ADCY9: variants seen among roughly 807,000 people sequenced by gnomAD.
The protein encoded by ADCY9 is adenylate cyclase 9.
A neutral mutation model predicts 101.5 loss-of-function variants in ADCY9; 50 were observed. The observed-to-expected ratio is 0.49, with a 90% CI of 0.39 to 0.62. The LOEUF (loss-of-function observed/expected upper bound fraction) is 0.62, where lower values mean the gene tolerates loss of function less well. Among genes scored for constraint, ADCY9 ranks in the 20% least tolerant of loss-of-function variants. ADCY9 has a pLI of 0.00. For synonymous variants in ADCY9, 905 were observed against 769.3 expected, an observed-to-expected ratio of 1.18 and a Z score of -2.92; for missense variants, 1,662 against 1,800.4, an observed-to-expected ratio of 0.92 and a Z score of 1.39.
At chr16:4,075,607 T>C (rs1387774573) in intron 2 of ADCY9, among the ~76,000 whole-genome samples, 2 of 152,182 alleles carry the variant, frequency 1.3e-5, no homozygotes, top group Admixed American at 1.3e-4. Context: ...GAGCGTCTGC[T>C]AAACACCATA....
intron 2 of ADCY9, among the ~76,000 whole-genome samples, chr16:4,104,118 C>T (rs952458157): frequency 1.3e-5 from 2 of 152,120 alleles, no homozygotes; most frequent in Non-Finnish European, 2.9e-5. Context: ...GCAGACCATT[C>T]CTGGGAATAT....
chr16:4,109,208 T>C (rs2057098470), intron 2 of ADCY9, among the ~76,000 whole-genome samples: 1 of 152,022 alleles, frequency 6.6e-6, no homozygotes, highest in South Asian at 2.1e-4. Context: ...GTCCCCTCTA[T>C]TAGATCTCCC....
At chr16:4,076,538 G>A (rs2056868362) in intron 2 of ADCY9, among the ~76,000 whole-genome samples, 1 of 152,162 alleles carries the variant, frequency 6.6e-6, no homozygotes, top group East Asian at 1.9e-4. Flanking sequence ...TCACCTCTAA[G>A]GTCTAAGTGG....
At chr16:4,029,787 A>G (rs2056542547) in intron 2 of ADCY9, among the ~76,000 whole-genome samples, 1 of 152,158 alleles carries the variant, frequency 6.6e-6, no homozygotes. Context: ...ACAATAAGAA[A>G]ACAAAACCAG....
At chr16:3,974,445 G>A (rs77717186) in intron 10 of ADCY9, among the ~76,000 whole-genome samples, 2,783 of 152,278 alleles carry the variant, frequency 0.018, 78 homozygotes, top group African/African-American at 0.061. Context: ...AAAATTACAT[G>A]ACTGTAATGT....
intron 3 of ADCY9, among the ~76,000 whole-genome samples, chr16:4,005,541 G>A (rs2056361369): frequency 6.6e-6 from 1 of 152,156 alleles, no homozygotes; most frequent in South Asian, 2.1e-4. Context: ...CTGTCAACTT[G>A]ATAGATCACA....
intron 3 of ADCY9, among the ~76,000 whole-genome samples, chr16:4,004,235 C>T (rs887201509): frequency 3.1e-5 from 4 of 127,074 alleles, no homozygotes; most frequent in Admixed American, 2.0e-4. Context: ...GGCAACAGAG[C>T]GAGATCCCAT....
intron 2 of ADCY9, among the ~76,000 whole-genome samples, chr16:4,105,396 G>C (rs1241788338): frequency 6.6e-6 from 1 of 152,004 alleles, no homozygotes; most frequent in African/African-American, 2.4e-5. Context: ...ATTAGGCCGG[G>C]CATGGTGGCT....
At chr16:3,983,750 C>A (rs72762722) in intron 6 of ADCY9, 18,053 of 363,010 alleles carry the variant, frequency 0.05, 611 homozygotes, top group Admixed American at 0.089. Context: ...CACAGTGAGA[C>A]TCCATCTCTA....
At chr16:4,029,814 A>G (rs1337067718) in intron 2 of ADCY9, among the ~76,000 whole-genome samples, 2 of 152,206 alleles carry the variant, frequency 1.3e-5, no homozygotes, top group African/African-American at 4.8e-5. Context: ...CAGTAGAAAA[A>G]TGTGTAAGAA....
At chr16:4,111,378 G>A (rs1567152728) in intron 2 of ADCY9, among the ~76,000 whole-genome samples, 1 of 152,062 alleles carries the variant, frequency 6.6e-6, no homozygotes, top group Non-Finnish European at 1.5e-5. Flanking sequence ...TCTCTTCCCG[G>A]GTTCAAACAA....
At chr16:3,999,646 G>A (rs181147817) in intron 3 of ADCY9, among the ~76,000 whole-genome samples, 47 of 152,298 alleles carry the variant, frequency 3.1e-4, no homozygotes, top group Middle Eastern at 3.4e-3. Context: ...CACGCCTGGC[G>A]GGCCAGGGAG....
chr16:4,114,091 C>G lies in ADCY9; in HGVS notation c.1352G>C (p.Cys451Ser). 1 of 1,613,846 alleles carries G rather than the reference C, an allele frequency of 6.2e-7. No individual in the cohort carries two copies. The highest frequency in any genetic ancestry group is 8.5e-7 in the Non-Finnish European group (1 of 1,180,036). Residue 451 changes from cysteine (C) to serine (S), a missense_variant, in exon 2 of 11, where the codon TGT becomes TCT. Cys to Ser is a moderately radical substitution (Grantham distance 112, BLOSUM62 -1). Around this residue, in one of 5 missense-constraint regions of ADCY9, gnomAD observed 228 missense variants for 301.1 expected, o/e 0.76. Coordinates refer to ENST00000294016, the MANE Select transcript of ADCY9 (RefSeq NM_001116.4). The surrounding 1 kb of genome is among the most constrained non-coding windows in gnomAD (Gnocchi z 4.3). ...LGDCYYCVAG[C>S]PEPRADHAYC... ...GGCATGGTCGGCCCGGGGCTCGGGA[C>G]AGCCCGCCACGCAGTAGTAACAGTC...
At position 3,964,355 on chromosome 16, in the gene ADCY9, C is replaced by A. The variant is rs1050436465; in HGVS notation, c.*1420G>T. 2 of 152,340 alleles carry A rather than the reference C, an allele frequency of 1.3e-5. No homozygotes were observed. Among genetic ancestry groups the A allele is most frequent in the African/African-American group, 2.4e-5 (1 of 41,434 alleles). The allele number at this position is 152,340 out of a possible 1,614,324, so 9.4% of individuals were successfully genotyped here. A position where few individuals can be genotyped will look rare whatever the true frequency, so the allele number is the denominator to read the frequency against. ...TATGGCAAAACATAATCAGACAGGA[C>A]CAGCAGCCAACTGCCCGGACGGAGC... On this transcript the variant is annotated 3_prime_UTR_variant, in exon 11 of 11. Transcript: ENST00000294016.
At chr16:4,059,117 G>A (rs1255730085) in intron 2 of ADCY9, among the ~76,000 whole-genome samples, 1 of 152,020 alleles carries the variant, frequency 6.6e-6, no homozygotes, top group East Asian at 1.9e-4. Flanking sequence ...CGTGCACGAT[G>A]GCTCACGCCT....
At chr16:3,983,614 T>G in intron 6 of ADCY9, 174 bp from the exon 7 acceptor site, 2 of 605,206 alleles carry the variant, frequency 3.3e-6, no homozygotes, top group South Asian at 2.1e-5. Flanking sequence ...CACTGGGGAG[T>G]CCAAGGCACA....
In ADCY9 at chr16:3,963,163, A is replaced by T; in HGVS notation, c.*2612T>A. 7.3e-6 allele frequency: 2 copies of T among 272,680 alleles called. No homozygotes were observed. The highest frequency in any genetic ancestry group is 1.3e-5 in the Non-Finnish European group (2 of 157,484). The allele number at this position is 272,680 out of a possible 1,614,324, so 16.9% of individuals were successfully genotyped here. A position where few individuals can be genotyped will look rare whatever the true frequency, so the allele number is the denominator to read the frequency against. On this transcript the variant is annotated 3_prime_UTR_variant, in exon 11 of 11. Coordinates refer to ENST00000294016, the MANE Select transcript of ADCY9 (RefSeq NM_001116.4). ...ATATATGGATATATAATTCGATCTG[A>T]GCTGGGACTGAGAAGAAAATAGCAA...
intron 2 of ADCY9, among the ~76,000 whole-genome samples, chr16:4,014,274 G>C (rs1256244307): frequency 6.7e-6 from 1 of 148,580 alleles, no homozygotes; most frequent in South Asian, 2.1e-4. Context: ...AGCCGAGATC[G>C]CACCATTGCA....
intron 2 of ADCY9, among the ~76,000 whole-genome samples, chr16:4,100,992 A>C (rs1371081367): frequency 6.6e-6 from 1 of 152,200 alleles, no homozygotes; most frequent in Non-Finnish European, 1.5e-5. Context: ...AACTTTCAGT[A>C]ACACTAGCTC....
Sources: allele counts gnomAD v4.1 joint callset (sites outside exome capture counted in the v4.1 genomes callset), GRCh38; gene constraint gnomAD v4.1.1; regional missense constraint gnomAD v4.1.1; non-coding constraint Gnocchi (gnomAD v3.1); transcripts MANE v1.5; gene names NCBI Gene and HGNC (gene_info 2026-07-23, HGNC 2026-07-21).